The following CNOT6 variants were observed in gnomAD, a reference collection of about 807,000 sequenced individuals.
The protein encoded by CNOT6 is CCR4-NOT transcription complex subunit 6.
A neutral mutation model predicts 61.2 loss-of-function variants in CNOT6; 12 were observed. The ratio of observed to expected loss-of-function variants is 0.20; its 90% CI spans 0.13 to 0.32. The LOEUF is 0.32. Among genes scored for constraint, CNOT6 ranks in the 10% least tolerant of loss-of-function variants. CNOT6 has a pLI of 1.00. For missense variants in CNOT6, 405 were observed against 663.9 expected, an observed-to-expected ratio of 0.61 and a Z score of 4.28; for synonymous variants, 225 against 240.6, an observed-to-expected ratio of 0.94 and a Z score of 0.60.
At chr5:180,538,489 C>T (rs1036751520) in intron 2 of CNOT6, among the ~76,000 whole-genome samples, 19 of 151,194 alleles carry the variant, frequency 1.3e-4, no homozygotes, top group Admixed American at 8.6e-4. Flanking sequence ...AGTTTGAGAC[C>T]AGCCTGGGCA....
chr5:180,497,213 G>C (rs529719738), intron 1 of CNOT6, among the ~76,000 whole-genome samples: 3 of 151,844 alleles, frequency 2.0e-5, no homozygotes, highest in Non-Finnish European at 4.4e-5. Context: ...TGTAATCCCA[G>C]CTATTCAGTA....
At chr5:180,551,936 C>T (rs569691741) in intron 3 of CNOT6, among the ~76,000 whole-genome samples, 53 of 147,130 alleles carry the variant, frequency 3.6e-4, no homozygotes, top group Non-Finnish European at 5.8e-4. Flanking sequence ...ATAGTGTGAT[C>T]TCGGCTCACT....
intron 2 of CNOT6, among the ~76,000 whole-genome samples, chr5:180,530,561 C>CTTTT (rs70973925): frequency 1.7e-5 from 2 of 119,450 alleles, no homozygotes; most frequent in African/African-American, 6.2e-5. Flanking sequence ...CTTCTGATTT[C>CTTTT]TTTTTTTTTT....
intron 1 of CNOT6, among the ~76,000 whole-genome samples, chr5:180,507,985 C>T (rs1435924681): frequency 6.6e-6 from 1 of 152,140 alleles, no homozygotes. Context: ...CTAGGCCCCA[C>T]CTCCAGCACT....
At chr5:180,543,946 G>T (rs1759173983) in intron 2 of CNOT6, among the ~76,000 whole-genome samples, 1 of 152,080 alleles carries the variant, frequency 6.6e-6, no homozygotes, top group Non-Finnish European at 1.5e-5. Flanking sequence ...AAGTAGCTGG[G>T]ACTACAGGCG....
In CNOT6 at chr5:180,567,879, A is replaced by G. The variant is rs1170230753; in HGVS notation, c.903A>G (p.Glu301=). The part of the protein sequence containing the change: ...KFTLVQKHTV[E]FNQLAMANSE... Reference sequence around the variant, plus strand: ...CTTTGGTTCAGAAACACACTGTTGAATTTAATCAGCTAGCCATGGCAAATT... The same window carrying G: ...CTTTGGTTCAGAAACACACTGTTGAGTTTAATCAGCTAGCCATGGCAAATT... The change falls in exon 9 of 12, where the codon GAA becomes GAG. Residue 301 remains glutamate, a synonymous_variant. Transcript: ENST00000261951. The G allele has an allele frequency of 6.2e-7, 1 of 1,614,090 alleles. No individual in the cohort carries two copies.
At chr5:180,570,587 T>G (rs1232692017) in intron 10 of CNOT6, among the ~76,000 whole-genome samples, 1 of 152,194 alleles carries the variant, frequency 6.6e-6, no homozygotes, top group Non-Finnish European at 1.5e-5. Context: ...GGTCAAACAT[T>G]AATATCCAAG....
chr5:180,549,314 A>G (rs998910663), intron 2 of CNOT6, among the ~76,000 whole-genome samples: 2 of 152,210 alleles, frequency 1.3e-5, no homozygotes, highest in African/African-American at 2.4e-5. Context: ...TATCATTACT[A>G]TAAATTAATC....
intron 1 of CNOT6, among the ~76,000 whole-genome samples, chr5:180,510,134 C>CTTTTTTTTTTTTTTT (rs56899929): frequency 1.9e-4 from 7 of 37,382 alleles, no homozygotes; most frequent in Non-Finnish European, 3.4e-4. Flanking sequence ...GTCTGTAAAC[C>CTTTTTTTTTTTTTTT]TTTTTTTTTT....
At chr5:180,546,488 C>T (rs1253560254) in intron 2 of CNOT6, among the ~76,000 whole-genome samples, 1 of 152,182 alleles carries the variant, frequency 6.6e-6, no homozygotes, top group Non-Finnish European at 1.5e-5. Flanking sequence ...TACTAGTACA[C>T]CTCTTTACAT....
chr5:180,567,009 C>T (rs1760499407), intron 7 of CNOT6, 79 bp from the exon 8 acceptor site: 1 of 1,298,306 alleles, frequency 7.7e-7, no homozygotes, highest in Non-Finnish European at 1.1e-6. Context: ...TTATTTCAAG[C>T]TCTCAAACTA....
At chr5:180,517,612 TG>T (rs1757698368) in intron 1 of CNOT6, among the ~76,000 whole-genome samples, 1 of 152,034 alleles carries the variant, frequency 6.6e-6, no homozygotes, top group African/African-American at 2.4e-5. Flanking sequence ...GGCGCGATCT[TG>T]GCTCACTGCA....
chr5:180,497,175 A>G lies in CNOT6; in HGVS notation c.-3+2412A>G, dbSNP rs560570007. Among the ~76,000 whole-genome samples the G allele has an allele frequency of 5.3e-5, 8 of 152,182 alleles. No individual in the cohort carries two copies. In the East Asian group the frequency reaches 1.4e-3, roughly 26 times the overall value. ...AAACCCTGTCTCTACTAAAAATACA[A>G]AATTAGCCAGGTGTGGTGGCGCATG... On this transcript the variant is annotated intron_variant, in intron 1 of 11. Coordinates refer to ENST00000261951, the MANE Select transcript of CNOT6 (RefSeq NM_001370472.1).
In CNOT6 at chr5:180,553,488, T is replaced by C; in HGVS notation, c.385+17T>C. ...GCCTGAAAGGTATGACTTCCATATTTGTACTTCTTATGGTTTGTGTATATG... is the reference window on the plus strand; with the variant it reads ...GCCTGAAAGGTATGACTTCCATATTCGTACTTCTTATGGTTTGTGTATATG... On this transcript the variant is annotated intron_variant, in intron 4 of 11. Coordinates refer to ENST00000261951, the MANE Select transcript of CNOT6 (RefSeq NM_001370472.1). 6.3e-7 allele frequency: 1 copy of C among 1,579,846 alleles called. No homozygotes were observed. Among genetic ancestry groups the C allele is most frequent in the Non-Finnish European group, 8.7e-7 (1 of 1,149,642 alleles).
chr5:180,521,774 T>C (rs1757891341), intron 1 of CNOT6, among the ~76,000 whole-genome samples: 1 of 152,192 alleles, frequency 6.6e-6, no homozygotes, highest in African/African-American at 2.4e-5. Flanking sequence ...AGTGTTTAGC[T>C]CCCACTTACA....
chr5:180,514,319 G>A (rs1176317676), intron 1 of CNOT6, among the ~76,000 whole-genome samples: 2 of 152,162 alleles, frequency 1.3e-5, no homozygotes, highest in African/African-American at 4.8e-5. Context: ...CTACTCGGGA[G>A]GCTGAGGCAG....
intron 2 of CNOT6, among the ~76,000 whole-genome samples, chr5:180,536,655 G>C (rs914842973): frequency 6.6e-6 from 1 of 152,072 alleles, no homozygotes; most frequent in Non-Finnish European, 1.5e-5. Flanking sequence ...TTGTCACCCA[G>C]GCTGTAGTGC....
intron 2 of CNOT6, among the ~76,000 whole-genome samples, chr5:180,539,399 T>G (rs995354697): frequency 3.3e-5 from 5 of 151,846 alleles, no homozygotes; most frequent in African/African-American, 9.7e-5. Context: ...TTCTAAATTT[T>G]TTGTTCTTTT....
rs1760957650 is a variant in CNOT6 at position 180,575,348 on chromosome 5, G to A, written c.*1148G>A. On this transcript the variant is annotated 3_prime_UTR_variant, in exon 12 of 12. Transcript: ENST00000261951. Reference sequence around the variant, plus strand: ...TGAGTCCCTGGATCTTTGCTCACCAGATCCAAGCACTGCTTCTCGGTGTCA... The same window carrying A: ...TGAGTCCCTGGATCTTTGCTCACCAAATCCAAGCACTGCTTCTCGGTGTCA... The A allele has an allele frequency of 6.6e-6, 1 of 151,612 alleles. No individual in the cohort carries two copies. Among genetic ancestry groups the A allele is most frequent in the African/African-American group, 2.4e-5 (1 of 41,252 alleles). 9.4% of individuals were successfully genotyped at this position (151,612 alleles called of 1,614,324 possible).
Sources: gnomAD v4.1 joint callset for allele counts (sites outside exome capture counted in the v4.1 genomes callset) on GRCh38, gnomAD v4.1.1 for gene constraint, MANE v1.5 for transcripts, NCBI Gene and HGNC (gene_info 2026-07-23, HGNC 2026-07-21) for gene names.